Variants in KCMF1 observed in about 807,000 individuals in gnomAD.
The protein encoded by KCMF1 is E3 ubiquitin-protein ligase KCMF1.
In KCMF1, 3 loss-of-function variants were observed where a neutral mutation model predicts 41.1. The observed-to-expected ratio is 0.07, with a 90% confidence interval of 0.03 to 0.19. The LOEUF is 0.19. Among genes scored for constraint, KCMF1 ranks in the 10% least tolerant of loss-of-function variants. KCMF1 has a pLI of 1.00. For synonymous variants in KCMF1, 142 were observed against 164.5 expected, an observed-to-expected ratio of 0.86 and a Z score of 1.04; for missense variants, 286 against 488.9, an observed-to-expected ratio of 0.58 and a Z score of 3.91.
intron 3 of KCMF1, among the ~76,000 whole-genome samples, chr2:85,036,811 G>A (rs1675412066): frequency 6.8e-6 from 1 of 148,060 alleles, no homozygotes; most frequent in Non-Finnish European, 1.5e-5. Flanking sequence ...AAAAAATTAT[G>A]TATTATTATA....
At chr2:85,033,667 T>C (rs947279549) in intron 2 of KCMF1, among the ~76,000 whole-genome samples, 3 of 152,184 alleles carry the variant, frequency 2.0e-5, no homozygotes, top group Non-Finnish European at 4.4e-5. Flanking sequence ...AAGGTGTTAA[T>C]ACCTCTTAAC....
Position 84,986,659 on chromosome 2 carries a change from C to T in KCMF1, c.16+15192C>T, listed in dbSNP as rs1014751355. Among the ~76,000 whole-genome samples, 7 of 150,536 alleles carry T rather than the reference C, an allele frequency of 4.7e-5. No homozygotes were observed. In the East Asian group the frequency reaches 9.7e-4, roughly 21 times the overall value. On this transcript the variant is annotated intron_variant, in intron 1 of 6. Coordinates refer to ENST00000409785, the MANE Select transcript of KCMF1 (RefSeq NM_020122.5). ...TTGGGAGGCCAAGGTGGGTGGATCA[C>T]GAGGTCAGGAGTTCGAGACCAGCCT...
At position 84,971,413 on chromosome 2, in the gene KCMF1, G is replaced by C; in HGVS notation, c.-39G>C. The C allele has an allele frequency of 5.8e-6, 7 of 1,203,054 alleles. No individual in the cohort carries two copies. Among genetic ancestry groups the C allele is most frequent in the Non-Finnish European group, 6.3e-6 (6 of 953,554 alleles). The allele number at this position is 1,203,054 out of a possible 1,614,324, so 74.5% of individuals were successfully genotyped here. On this transcript the variant is annotated 5_prime_UTR_variant, in exon 1 of 7. Transcript: ENST00000409785. Reference sequence around the variant, plus strand: ...GACCCCGCGGGGGACACTGCAGCCGGAGCCCGGGAGGGGCCGCGCCGCCAC... The same window carrying C: ...GACCCCGCGGGGGACACTGCAGCCGCAGCCCGGGAGGGGCCGCGCCGCCAC...
chr2:85,044,719 A>G (rs1232725709), intron 4 of KCMF1, among the ~76,000 whole-genome samples: 2 of 152,062 alleles, frequency 1.3e-5, no homozygotes, highest in South Asian at 4.1e-4. Flanking sequence ...GGGTTTCACC[A>G]TGTTGGCCAG....
At chr2:85,027,456 A>G (rs779083921) in intron 1 of KCMF1, among the ~76,000 whole-genome samples, 1 of 142,844 alleles carries the variant, frequency 7.0e-6, no homozygotes, top group Non-Finnish European at 1.5e-5. Flanking sequence ...GCTCACTGCA[A>G]CCCTACCTCC....
chr2:84,988,484 C>A (rs1226317538), intron 1 of KCMF1, among the ~76,000 whole-genome samples: 2 of 152,092 alleles, frequency 1.3e-5, no homozygotes, highest in East Asian at 3.8e-4. Context: ...AAGTTAAGTA[C>A]CTTCCCTAAG....
chr2:85,035,566 T>C (rs975409773), intron 3 of KCMF1, among the ~76,000 whole-genome samples: 1 of 152,198 alleles, frequency 6.6e-6, no homozygotes, highest in Admixed American at 6.5e-5. Flanking sequence ...TAATAATCCA[T>C]TGTCACATCT....
chr2:85,007,734 A>T (rs548711774), intron 1 of KCMF1, among the ~76,000 whole-genome samples: 1 of 152,128 alleles, frequency 6.6e-6, no homozygotes, highest in Non-Finnish European at 1.5e-5. Flanking sequence ...TTATGTATGT[A>T]TGTGTAATTA....
At position 85,035,000 on chromosome 2, in the gene KCMF1, C is replaced by A; in HGVS notation, c.185-16C>A. The A allele has an allele frequency of 6.3e-7, 1 of 1,590,282 alleles. No individual in the cohort carries two copies. The highest frequency in any genetic ancestry group is 8.6e-7 in the Non-Finnish European group (1 of 1,163,926). ...AAAACTAATATTCCTCAATGCAATT[C>A]TACCTTATTTTTCAGATTTATACTA... On this transcript the variant is annotated splice_polypyrimidine_tract_variant and intron_variant, in intron 2 of 6. Coordinates refer to ENST00000409785, the MANE Select transcript of KCMF1 (RefSeq NM_020122.5).
intron 1 of KCMF1, among the ~76,000 whole-genome samples, chr2:84,994,496 C>T (rs1174493984): frequency 1.3e-5 from 2 of 151,826 alleles, no homozygotes; most frequent in East Asian, 1.9e-4. Context: ...CTCCACCTCC[C>T]GGGTTCAAGC....
At chr2:84,975,197 G>A (rs1264466084) in intron 1 of KCMF1, among the ~76,000 whole-genome samples, 6 of 151,980 alleles carry the variant, frequency 3.9e-5, no homozygotes, top group African/African-American at 7.2e-5. Flanking sequence ...AGCTGAGGTC[G>A]TGCCACTGCA....
chr2:85,003,411 T>C (rs1475949597), intron 1 of KCMF1, among the ~76,000 whole-genome samples: 1 of 151,840 alleles, frequency 6.6e-6, no homozygotes, highest in Non-Finnish European at 1.5e-5. Flanking sequence ...CCTGGAGGCA[T>C]AGCTTGCAGT....
chr2:85,004,825 CTATT>C (rs555917547), intron 1 of KCMF1, among the ~76,000 whole-genome samples: 1 of 151,654 alleles, frequency 6.6e-6, no homozygotes, highest in African/African-American at 2.4e-5. Flanking sequence ...GACTGTAGGC[CTATT>C]TATTTATTTA....
chr2:85,023,461 G>A (rs956355835), intron 1 of KCMF1, among the ~76,000 whole-genome samples: 2 of 151,530 alleles, frequency 1.3e-5, no homozygotes, highest in African/African-American at 2.4e-5. Context: ...TGGGACTACA[G>A]GCGCCCGCCA....
At chr2:85,001,662 C>T (rs1674331496) in intron 1 of KCMF1, among the ~76,000 whole-genome samples, 1 of 152,172 alleles carries the variant, frequency 6.6e-6, no homozygotes, top group Non-Finnish European at 1.5e-5. Context: ...AAATAGCCCC[C>T]ATACAGTTCC....
chr2:85,008,291 T>TATATATAATATATAATATATATAAATC (rs1278421092), intron 1 of KCMF1, among the ~76,000 whole-genome samples: 72 of 14,650 alleles, frequency 4.9e-3, no homozygotes, highest in African/African-American at 0.011. Context: ...TGATATATAA[T>TATATATAATATATAATATATATAAATC]ATATATAATA....
chr2:85,045,946 C>T (rs955867959), intron 4 of KCMF1, among the ~76,000 whole-genome samples, 158 bp from the exon 5 acceptor site: 1 of 152,150 alleles, frequency 6.6e-6, no homozygotes, highest in African/African-American at 2.4e-5. Context: ...GGGTTAATAG[C>T]CCTCATAGAT....
chr2:84,991,827 G>A (rs1674048743), intron 1 of KCMF1, among the ~76,000 whole-genome samples: 1 of 151,980 alleles, frequency 6.6e-6, no homozygotes, highest in African/African-American at 2.4e-5. Flanking sequence ...TACTACTTGA[G>A]ATCATATTAC....
intron 1 of KCMF1, among the ~76,000 whole-genome samples, chr2:85,021,088 A>G (rs1161474730): frequency 2.6e-5 from 4 of 152,180 alleles, no homozygotes; most frequent in African/African-American, 9.7e-5. Flanking sequence ...TCTTGGGGGC[A>G]GGGCTTTGTT....
Sources: allele counts gnomAD v4.1 joint callset (sites outside exome capture counted in the v4.1 genomes callset), GRCh38; gene constraint gnomAD v4.1.1; transcripts MANE v1.5; gene names NCBI Gene and HGNC (gene_info 2026-07-23, HGNC 2026-07-21).